CRLF2: variants seen among roughly 807,000 people sequenced by gnomAD.
The protein encoded by CRLF2 is cytokine receptor like factor 2, also known as cytokine receptor-like factor 2.
CRLF2 carries 41 observed loss-of-function variants against 38.7 expected under a neutral mutation model. The observed-to-expected ratio is 1.06, with a 90% CI of 0.83 to 1.37. CRLF2 has a LOEUF of 1.37. Ranked by LOEUF, CRLF2 falls within the 40% of genes most tolerant of loss-of-function variation. The pLI is 0.00. For missense variants in CRLF2, 377 were observed against 322.2 expected (o/e 1.17, Z -1.30); for synonymous variants, 140 against 128.8 (o/e 1.09, Z -0.59).
chrX:1,195,154 C>T (rs2086454691), intron 6 of CRLF2, among the ~76,000 whole-genome samples: 1 of 151,984 alleles, frequency 6.6e-6, no homozygotes, highest in African/African-American at 2.4e-5. Flanking sequence ...GATCACGCCA[C>T]TGCACTCCAG....
At chrX:1,191,760 A>G (rs2086384958) in intron 7 of CRLF2, among the ~76,000 whole-genome samples, 2 of 151,076 alleles carry the variant, frequency 1.3e-5, no homozygotes, top group Non-Finnish European at 2.9e-5. Flanking sequence ...CGAACTCCCG[A>G]CCTCAGGTGA....
Position 1,191,071 on chromosome X carries a change from G to A in CRLF2, c.942C>T (p.Val314=). 2.5e-6 allele frequency: 1 copy of A among 398,626 alleles called. No homozygotes were observed. Among genetic ancestry groups the A allele is most frequent in the Non-Finnish European group, 4.4e-6 (1 of 226,120 alleles). The allele number at this position is 398,626 out of a possible 1,614,324, so 24.7% of individuals were successfully genotyped here. ...QESGPEEPLV[V]QLAKTEAESP... Reference sequence around the variant, plus strand: ...ACTCGGCTTCAGTCTTGGCCAACTGGACTACCAGGGGCTCCTCGGGGCCAC... The same window carrying A: ...ACTCGGCTTCAGTCTTGGCCAACTGAACTACCAGGGGCTCCTCGGGGCCAC... Residue 314 remains valine (V), a synonymous_variant, in exon 8 of 8, where the codon GTC becomes GTT. Transcript: ENST00000400841.
chrX:1,191,993 G>T (rs1290304996), intron 7 of CRLF2, among the ~76,000 whole-genome samples: 3 of 145,294 alleles, frequency 2.1e-5, no homozygotes, highest in South Asian at 2.4e-4. Context: ...ATCATGAGGT[G>T]AGGAGATCGA....
At chrX:1,206,127 G>A (rs375921285) in intron 3 of CRLF2, among the ~76,000 whole-genome samples, 114 of 152,026 alleles carry the variant, frequency 7.5e-4, no homozygotes, top group African/African-American at 2.5e-3. Context: ...GGTAATCATG[G>A]ATCCGACGAT....
chrX:1,202,530 G>C lies in CRLF2; in HGVS notation c.355C>G (p.Pro119Ala), dbSNP rs771354567. Residue 119 changes from proline to alanine, a missense_variant, in exon 4 of 8, where the codon CCC becomes GCC. Transcript: ENST00000400841. ...AATCTCACGTGCTTCGGGGAACTGG[G>C]TTTCACTGAGAAGAAGAAATAACGG... ...ASRWMVYYLKPSSPKHVRFSW... is the reference protein window; with the variant it reads ...ASRWMVYYLKASSPKHVRFSW... 3.1e-6 allele frequency: 5 copies of C among 1,613,578 alleles called. No individual in the cohort carries two copies. Among genetic ancestry groups the C allele is most frequent in the African/African-American group, 2.7e-5 (2 of 74,892 alleles).
At chrX:1,210,359 G>T (rs2086775994) in intron 1 of CRLF2, among the ~76,000 whole-genome samples, 2 of 151,960 alleles carry the variant, frequency 1.3e-5, no homozygotes, top group African/African-American at 4.8e-5. Context: ...TGTCGCCCAC[G>T]CTGGAGTGCA....
intron 1 of CRLF2, among the ~76,000 whole-genome samples, chrX:1,209,169 G>A (rs1467396774): frequency 2.0e-5 from 3 of 151,768 alleles, no homozygotes; most frequent in Non-Finnish European, 2.9e-5. Context: ...GGGTTTCACC[G>A]TGTTAGCCAG....
intron 6 of CRLF2, 86 bp downstream of exon 6, chrX:1,196,694 C>G (rs1398639580): frequency 7.0e-5 from 106 of 1,524,306 alleles, no homozygotes; most frequent in Non-Finnish European, 9.2e-5. Context: ...GGAAATGACT[C>G]TATCAGGCGA....
At chrX:1,208,085 A>G (rs2086724473) in intron 2 of CRLF2, among the ~76,000 whole-genome samples, 1 of 152,210 alleles carries the variant, frequency 6.6e-6, no homozygotes. Flanking sequence ...ACTAAGCCAA[A>G]GTAAAAATAA....
At chrX:1,195,832 T>TATATATA (rs1166104376) in intron 6 of CRLF2, among the ~76,000 whole-genome samples, 4 of 141,114 alleles carry the variant, frequency 2.8e-5, no homozygotes, top group African/African-American at 5.1e-5. Flanking sequence ...TATTATATAT[T>TATATATA]AAATTATATA....
intron 6 of CRLF2, among the ~76,000 whole-genome samples, chrX:1,196,248 C>T (rs1352384490): frequency 4.8e-5 from 7 of 145,962 alleles, no homozygotes; most frequent in Non-Finnish European, 8.9e-5. Flanking sequence ...AGTGCAGTGG[C>T]GCAATCTCCG....
At chrX:1,208,197 A>G (rs1382937236) in intron 2 of CRLF2, among the ~76,000 whole-genome samples, 3 of 152,124 alleles carry the variant, frequency 2.0e-5, no homozygotes, top group Non-Finnish European at 4.4e-5. Flanking sequence ...TGCCTAGCAG[A>G]TAAGACTTAA....
intron 2 of CRLF2, among the ~76,000 whole-genome samples, chrX:1,207,980 T>G (rs1176288178): frequency 1.3e-5 from 2 of 152,186 alleles, no homozygotes; most frequent in Admixed American, 6.6e-5. Flanking sequence ...GCCGTTTATC[T>G]CTTTTGTTAT....
chrX:1,194,800 G>C (rs1445560619), intron 6 of CRLF2, among the ~76,000 whole-genome samples: 35 of 152,258 alleles, frequency 2.3e-4, no homozygotes, highest in African/African-American at 8.2e-4. Flanking sequence ...GGGAGGCCGA[G>C]GAGGACGGAT....
In CRLF2 at chrX:1,196,980, T is replaced by A. The variant is rs1489566665; in HGVS notation, c.647-80A>T. On this transcript the variant is annotated intron_variant, in intron 5 of 7. Coordinates refer to ENST00000400841, the MANE Select transcript of CRLF2 (RefSeq NM_022148.4). ...GTTTTCAACGTGATGTTACATCTCA[T>A]CCCTAACCAGTCTCCCTCATTTTTT... The A allele has an allele frequency of 7.5e-6, 9 of 1,198,926 alleles. No individual in the cohort carries two copies. The Admixed American group carries it at 2.3e-4, about 31-fold the overall frequency. 74.3% of individuals were successfully genotyped at this position (1,198,926 alleles called of 1,614,324 possible). A position where few individuals can be genotyped will look rare whatever the true frequency, so the allele number is the denominator to read the frequency against.
intron 5 of CRLF2, among the ~76,000 whole-genome samples, chrX:1,197,768 C>T (rs1407365858): frequency 1.1e-4 from 17 of 151,404 alleles, no homozygotes; most frequent in East Asian, 5.8e-4. Context: ...GAGCCAAGAC[C>T]GTGCCACTGA....
intron 1 of CRLF2, among the ~76,000 whole-genome samples, chrX:1,211,937 GTGGA>G (rs1206984542): frequency 0.011 from 1,558 of 143,122 alleles, 14 homozygotes; most frequent in South Asian, 0.021. Context: ...GGGTGGATGG[GTGGA>G]TGGATGGATG....
At chrX:1,197,684 C>T (rs1320794846) in intron 5 of CRLF2, among the ~76,000 whole-genome samples, 10 of 151,842 alleles carry the variant, frequency 6.6e-5, no homozygotes, top group South Asian at 2.1e-4. Flanking sequence ...CTTGGTGGTG[C>T]GTGCCTGTAG....
intron 1 of CRLF2, among the ~76,000 whole-genome samples, chrX:1,212,230 C>CCAAT (rs1258566521): frequency 1.3e-5 from 2 of 151,514 alleles, no homozygotes; most frequent in African/African-American, 4.8e-5. Context: ...AATATATCTA[C>CCAAT]CAATCAATCA....
Sources: allele counts gnomAD v4.1 joint callset (sites outside exome capture counted in the v4.1 genomes callset), GRCh38; gene constraint gnomAD v4.1.1; transcripts MANE v1.5; gene names NCBI Gene and HGNC (gene_info 2026-07-23, HGNC 2026-07-21).